The following PTGER3 variants were observed in gnomAD, a reference collection of about 807,000 sequenced individuals.
PTGER3 encodes the protein prostaglandin E2 receptor EP3 subtype.
PTGER3 carries 22 observed loss-of-function variants against 34.7 expected under a neutral mutation model. That is an observed-to-expected ratio of 0.63 (90% confidence interval 0.45 to 0.91). PTGER3 has a LOEUF of 0.91. Among genes scored for constraint, PTGER3 ranks in the 40% least tolerant of loss-of-function variants. PTGER3 has a pLI of 0.00. For missense variants in PTGER3, 468 were observed against 519.4 expected (o/e 0.90, Z 0.96); for synonymous variants, 241 against 230.1 (o/e 1.05, Z -0.43).
chr1:71,008,688 C>T, intron 2 of PTGER3: 1 of 982,024 alleles, frequency 1.0e-6, no homozygotes, highest in Non-Finnish European at 1.2e-6. Context: ...GCCACAGTTG[C>T]ACAATTCTGC....
chr1:70,936,270 C>G (rs1361066891), intron 4 of PTGER3, among the ~76,000 whole-genome samples: 1 of 152,138 alleles, frequency 6.6e-6, no homozygotes, highest in African/African-American at 2.4e-5. Context: ...GATTTTAGTG[C>G]ACACTACAGC....
At chr1:71,024,645 C>CTTTTTTTTTTT (rs35271200) in intron 1 of PTGER3, among the ~76,000 whole-genome samples, 42 of 117,108 alleles carry the variant, frequency 3.6e-4, no homozygotes, top group African/African-American at 1.0e-3. Context: ...CCTTTTCTTT[C>CTTTTTTTTTTT]TTTTTTTTTT....
At chr1:70,969,282 A>C (rs1652845628), downstream of PTGER3, among the ~76,000 whole-genome samples, 1 of 152,194 alleles carries the variant, frequency 6.6e-6, no homozygotes, top group South Asian at 2.1e-4. Context: ...TTAAACAAGG[A>C]AAGTTTAACG....
chr1:70,970,194 G>A (rs914418765), downstream of PTGER3, among the ~76,000 whole-genome samples: 3 of 152,026 alleles, frequency 2.0e-5, no homozygotes, highest in African/African-American at 2.4e-5. Flanking sequence ...ATGAAAAATC[G>A]GTTAAGCCCT....
chr1:70,900,789 C>T (rs373448996), intron 4 of PTGER3, among the ~76,000 whole-genome samples: 1 of 152,164 alleles, frequency 6.6e-6, no homozygotes, highest in Non-Finnish European at 1.5e-5. Context: ...AAGAATGTCA[C>T]ACATGCCCTG....
intron 4 of PTGER3, among the ~76,000 whole-genome samples, chr1:70,921,785 C>T (rs936004367): frequency 6.6e-6 from 1 of 152,168 alleles, no homozygotes; most frequent in African/African-American, 2.4e-5. Context: ...AGCCCGGATT[C>T]AAGGTTTAAT....
chr1:71,040,661 T>C (rs1039248606), intron 1 of PTGER3, among the ~76,000 whole-genome samples: 2 of 152,004 alleles, frequency 1.3e-5, no homozygotes, highest in Non-Finnish European at 2.9e-5. Flanking sequence ...AGACCTTATG[T>C]GGCAAGCAAT....
intron 3 of PTGER3, among the ~76,000 whole-genome samples, chr1:70,973,975 G>C (rs2072946): frequency 0.24 from 36,509 of 151,978 alleles, 4,600 homozygotes; most frequent in Middle Eastern, 0.33. Flanking sequence ...AATTAAAATA[G>C]GAGTGGCCTA....
At chr1:70,942,258 T>C (rs1212853517) in intron 4 of PTGER3, among the ~76,000 whole-genome samples, 2 of 152,122 alleles carry the variant, frequency 1.3e-5, no homozygotes, top group Non-Finnish European at 2.9e-5. Context: ...AGGAATCACT[T>C]TGTGGAAGAG....
chr1:70,948,256 G>A (rs1300485482), downstream of PTGER3, among the ~76,000 whole-genome samples: 1 of 152,032 alleles, frequency 6.6e-6, no homozygotes, highest in African/African-American at 2.4e-5. Context: ...TGAATCATGG[G>A]GGTGGTTACC....
chr1:70,929,334 T>C (rs1042861852), intron 4 of PTGER3, among the ~76,000 whole-genome samples: 2 of 152,212 alleles, frequency 1.3e-5, no homozygotes, highest in African/African-American at 4.8e-5. Context: ...TCTTAAAATC[T>C]TGTGGCTAGC....
At chr1:71,025,527 G>T (rs577727586) in intron 1 of PTGER3, among the ~76,000 whole-genome samples, 1 of 132,796 alleles carries the variant, frequency 7.5e-6, no homozygotes, top group African/African-American at 2.5e-5. Context: ...AGTGTCAAAA[G>T]TCCTTTTATT....
At chr1:70,975,298 C>A (rs1572822589) in intron 2 of PTGER3, among the ~76,000 whole-genome samples, 1 of 152,128 alleles carries the variant, frequency 6.6e-6, no homozygotes, top group Admixed American at 6.6e-5. Context: ...AGGCCCATCC[C>A]TCAACAGTAT....
intron 4 of PTGER3, among the ~76,000 whole-genome samples, chr1:70,861,995 T>C (rs1369816293): frequency 6.6e-6 from 1 of 151,892 alleles, no homozygotes; most frequent in Non-Finnish European, 1.5e-5. Flanking sequence ...TTCCAGTATC[T>C]AGCACTTAGT....
rs180856463 is a variant in PTGER3, at chr1:71,040,325, C to T, written c.897+6356G>A. On this transcript the variant is annotated intron_variant, in intron 1 of 3. Transcript: ENST00000306666. ...TGCTCAAGTATTCAGTCAAGGCCAG[C>T]GCGGTGGCTCGTGCCTGTAATGCCA... is the stretch of plus-strand genomic sequence containing the variant. 4.6e-3 allele frequency among the ~76,000 whole-genome samples: 695 copies of T among 152,148 alleles called. 7 individuals carry two copies. The highest frequency in any genetic ancestry group is 0.016 in the African/African-American group (668 of 41,520).
intron 4 of PTGER3, among the ~76,000 whole-genome samples, chr1:70,937,696 C>G (rs774204882): frequency 1.3e-5 from 2 of 152,090 alleles, no homozygotes; most frequent in African/African-American, 2.4e-5. Flanking sequence ...TGCTGTGACT[C>G]TCTATATCCC....
intron 2 of PTGER3, among the ~76,000 whole-genome samples, chr1:70,979,472 A>C (rs1047058500): frequency 8.2e-6 from 1 of 122,360 alleles, no homozygotes; most frequent in Admixed American, 9.1e-5. Flanking sequence ...TTGTCACTTC[A>C]GCAAAATTCT....
chr1:70,910,695 C>T (rs902936939), intron 4 of PTGER3, among the ~76,000 whole-genome samples: 15 of 146,006 alleles, frequency 1.0e-4, no homozygotes, highest in South Asian at 2.2e-4. Flanking sequence ...CTGCTGAAGA[C>T]GCTTGCAAAG....
chr1:70,861,469 C>T (rs1387206639), intron 4 of PTGER3, among the ~76,000 whole-genome samples: 1 of 152,184 alleles, frequency 6.6e-6, no homozygotes, highest in Admixed American at 6.5e-5. Context: ...TGCTGCATCA[C>T]CTTGGCTATA....
Sources: gnomAD v4.1 joint callset for allele counts (sites outside exome capture counted in the v4.1 genomes callset) on GRCh38, gnomAD v4.1.1 for gene constraint, MANE v1.5 for transcripts, NCBI Gene and HGNC (gene_info 2026-07-23, HGNC 2026-07-21) for gene names.